MGAT5: variants seen among roughly 807,000 people sequenced by gnomAD.
MGAT5 encodes alpha-1,6-mannosylglycoprotein 6-beta-N-acetylglucosaminyltransferase.
In MGAT5, 30 loss-of-function variants were observed where a neutral mutation model predicts 94.3. The observed-to-expected ratio is 0.32, with a 90% confidence interval of 0.24 to 0.43. MGAT5 has a LOEUF of 0.43. MGAT5 is among the 20% of genes least tolerant of loss of function. The probability of loss-of-function intolerance (pLI) is 1.00; values close to 1 mark genes in which losing one functional copy is unlikely to be tolerated. For synonymous variants in MGAT5, 310 were observed against 322.9 expected (o/e 0.96, Z 0.43); for missense variants, 691 against 905.5 (o/e 0.76, Z 3.04).
At chr2:134,289,914 C>A (rs1296632857) in intron 2 of MGAT5, among the ~76,000 whole-genome samples, 1 of 152,160 alleles carries the variant, frequency 6.6e-6, no homozygotes, top group East Asian at 1.9e-4. Context: ...TTTTTCCTTT[C>A]CTGATTTTTG....
Position 134,166,925 on chromosome 2 carries a change from G to A in MGAT5, c.-143+46634G>A, listed in dbSNP as rs115397558. 7.6e-3 allele frequency among the ~76,000 whole-genome samples: 1,163 copies of A among 152,270 alleles called. 11 individuals are homozygous for A. The highest frequency in any genetic ancestry group is 0.026 in the African/African-American group (1,068 of 41,560). ...GATGGTTGATACAGACTTGTCTCTT[G>A]TCAATTGAAAAAGGTTTGCCCAAAG... On this transcript the variant is annotated intron_variant, in intron 1 of 16. Transcript: ENST00000409645.
intron 11 of MGAT5, among the ~76,000 whole-genome samples, chr2:134,405,353 T>C (rs921769859): frequency 6.6e-6 from 1 of 152,056 alleles, no homozygotes; most frequent in Non-Finnish European, 1.5e-5. Context: ...TTGAGTAGAG[T>C]ATATTAAAAT....
chr2:134,188,203 A>G (rs1438587525), intron 1 of MGAT5, among the ~76,000 whole-genome samples: 2 of 152,386 alleles, frequency 1.3e-5, no homozygotes, highest in East Asian at 1.9e-4. Context: ...GGAAATCGGC[A>G]TGAGGCCATT....
intron 11 of MGAT5, among the ~76,000 whole-genome samples, chr2:134,405,560 G>A (rs1322264913): frequency 6.6e-6 from 1 of 152,174 alleles, no homozygotes; most frequent in African/African-American, 2.4e-5. Context: ...CTTTCTCTCT[G>A]TCTATGAGCA....
chr2:134,287,101 G>A (rs1685058529), intron 2 of MGAT5, among the ~76,000 whole-genome samples: 1 of 152,162 alleles, frequency 6.6e-6, no homozygotes, highest in Admixed American at 6.5e-5. Flanking sequence ...GGTGGATTGT[G>A]CACATTGGGG....
chr2:134,440,640 T>C (rs79312096), intron 14 of MGAT5, among the ~76,000 whole-genome samples: 1,542 of 152,330 alleles, frequency 0.01, 29 homozygotes, highest in African/African-American at 0.036. Flanking sequence ...ATACAAATTA[T>C]TGTACAATAA....
At chr2:134,132,557 T>C (rs771022551) in intron 1 of MGAT5, among the ~76,000 whole-genome samples, 1 of 152,274 alleles carries the variant, frequency 6.6e-6, no homozygotes, top group Non-Finnish European at 1.5e-5. Context: ...TATTGGCACA[T>C]ACCCAATCCC....
chr2:134,129,488 CTCAAAACTCCAAA>C (rs1401765216), intron 1 of MGAT5, among the ~76,000 whole-genome samples: 1 of 152,132 alleles, frequency 6.6e-6, no homozygotes, highest in African/African-American at 2.4e-5. Context: ...TACCACAGTC[CTCAAAACTCCAAA>C]TAAGGAACTG....
At chr2:134,237,991 C>T (rs979302579) in intron 1 of MGAT5, among the ~76,000 whole-genome samples, 4 of 152,052 alleles carry the variant, frequency 2.6e-5, no homozygotes, top group Non-Finnish European at 5.9e-5. Context: ...CCTTGTGATC[C>T]GCCCACCTTG....
chr2:134,295,703 A>G (rs1685633435), intron 2 of MGAT5, among the ~76,000 whole-genome samples: 2 of 152,182 alleles, frequency 1.3e-5, no homozygotes, highest in South Asian at 4.1e-4. Flanking sequence ...TATTGGAACC[A>G]TCAGGAATAC....
chr2:134,318,658 A>G lies in MGAT5; in HGVS notation c.492A>G (p.Lys164=). The G allele has an allele frequency of 6.2e-7, 1 of 1,612,942 alleles. No homozygotes were observed. Among genetic ancestry groups the G allele is most frequent in the Non-Finnish European group, 8.5e-7 (1 of 1,179,074 alleles). The change falls in exon 4 of 16, where the codon AAA becomes AAG. Residue 164 remains lysine, a synonymous_variant. Transcript: ENST00000281923. ...TGTTCTTCTTGTTTCAGTGGATGAA[A>G]GACATGTGGCGTTCAGATCCCTGCT... ...PHCEGKIKWM[K]DMWRSDPCYA...
intron 10 of MGAT5, among the ~76,000 whole-genome samples, chr2:134,391,306 A>G (rs1320467101): frequency 6.6e-6 from 1 of 152,188 alleles, no homozygotes; most frequent in East Asian, 1.9e-4. Flanking sequence ...GAATGGCAGG[A>G]TGGCACTTCT....
intron 14 of MGAT5, among the ~76,000 whole-genome samples, chr2:134,429,758 A>T (rs565401512): frequency 5.5e-4 from 84 of 152,342 alleles, no homozygotes; most frequent in African/African-American, 2.0e-3. Context: ...TTCAGCCTTT[A>T]TATGACACCA....
At chr2:134,251,898 CT>C (rs1465013788), upstream of MGAT5, among the ~76,000 whole-genome samples, 2 of 152,188 alleles carry the variant, frequency 1.3e-5, no homozygotes, top group East Asian at 3.8e-4. Flanking sequence ...CCTCATCCCC[CT>C]CTCTCCTCCC....
chr2:134,277,884 TC>T (rs1684473279), intron 2 of MGAT5, among the ~76,000 whole-genome samples: 1 of 152,236 alleles, frequency 6.6e-6, no homozygotes, highest in Non-Finnish European at 1.5e-5. Context: ...CCCAAATTGA[TC>T]TTTTTGTGCC....
chr2:134,445,832 C>A (rs1558893614), intron 15 of MGAT5, among the ~76,000 whole-genome samples: 3 of 152,128 alleles, frequency 2.0e-5, no homozygotes, highest in Non-Finnish European at 2.9e-5. Context: ...AGGCAGGGAC[C>A]CCCTAGGGGT....
At chr2:134,157,737 G>A (rs1687541850) in intron 1 of MGAT5, among the ~76,000 whole-genome samples, 1 of 152,006 alleles carries the variant, frequency 6.6e-6, no homozygotes, top group Admixed American at 6.6e-5. Context: ...CCTGCAACTA[G>A]ATGGTCTCAT....
chr2:134,269,872 C>G (rs1399680454), intron 1 of MGAT5, among the ~76,000 whole-genome samples: 3 of 152,216 alleles, frequency 2.0e-5, no homozygotes, highest in Non-Finnish European at 4.4e-5. Flanking sequence ...CTCTGGGTTA[C>G]CTAGCAGACC....
intron 12 of MGAT5, among the ~76,000 whole-genome samples, chr2:134,415,522 C>T (rs1467964870): frequency 2.0e-5 from 3 of 152,086 alleles, no homozygotes; most frequent in Admixed American, 6.6e-5. Flanking sequence ...GGGAATTAAC[C>T]GCTTATTAAA....
Sources: allele counts gnomAD v4.1 joint callset (sites outside exome capture counted in the v4.1 genomes callset), GRCh38; gene constraint gnomAD v4.1.1; transcripts MANE v1.5; gene names NCBI Gene and HGNC (gene_info 2026-07-23, HGNC 2026-07-21).